RBFOX1: variants seen among roughly 807,000 people sequenced by gnomAD.
The protein encoded by RBFOX1 is RNA binding fox-1 homolog 1.
Under a neutral mutation model 57.7 loss-of-function variants are expected in RBFOX1, and 8 were observed. That is an observed-to-expected ratio of 0.14 (90% CI 0.08 to 0.25). The LOEUF is 0.25. Among genes scored for constraint, RBFOX1 ranks in the 10% least tolerant of loss-of-function variants. The pLI is 1.00. For missense variants in RBFOX1, 611 were observed against 548.5 expected (o/e 1.11, Z -1.14); for synonymous variants, 326 against 222.4 (o/e 1.47, Z -4.15).
chr16:6,870,864 G>T (rs1379383961), intron 3 of RBFOX1, among the ~76,000 whole-genome samples: 1 of 152,086 alleles, frequency 6.6e-6, no homozygotes, highest in Non-Finnish European at 1.5e-5. Flanking sequence ...CTAATAAAAG[G>T]CCCTAACTTT....
chr16:7,315,152 C>A (rs1415758796), intron 4 of RBFOX1, among the ~76,000 whole-genome samples: 2 of 151,016 alleles, frequency 1.3e-5, no homozygotes, highest in African/African-American at 4.9e-5. Context: ...TCATGCATTT[C>A]ATTTTGTGTG....
At chr16:7,058,016 A>AAAAC (rs1555829835) in intron 4 of RBFOX1, among the ~76,000 whole-genome samples, 1 of 151,460 alleles carries the variant, frequency 6.6e-6, no homozygotes, top group African/African-American at 2.4e-5. Context: ...GAAAAAAAAA[A>AAAAC]AAAAAACACG....
chr16:7,088,755 C>A (rs1020465782), intron 4 of RBFOX1, among the ~76,000 whole-genome samples: 1 of 152,136 alleles, frequency 6.6e-6, no homozygotes, highest in Non-Finnish European at 1.5e-5. Context: ...ATGCCAGTAA[C>A]CAAAGTCCTT....
upstream of RBFOX1, among the ~76,000 whole-genome samples, chr16:6,016,129 A>G (rs1188750884): frequency 6.6e-6 from 1 of 152,254 alleles, no homozygotes. Flanking sequence ...GCATCAGGGA[A>G]CAAATCTTTG....
chr16:6,472,923 C>T (rs113354156), intron 2 of RBFOX1, among the ~76,000 whole-genome samples: 7,993 of 152,112 alleles, frequency 0.053, 742 homozygotes, highest in African/African-American at 0.18. Context: ...CTGTGCCCGG[C>T]CCAGTTTCTT....
chr16:7,484,001 G>GC (rs532040766), intron 4 of RBFOX1, among the ~76,000 whole-genome samples: 6 of 151,834 alleles, frequency 4.0e-5, no homozygotes, highest in East Asian at 1.9e-4. Flanking sequence ...AGTCTATTCT[G>GC]CCCCCCCATT....
chr16:7,417,025 A>T (rs1284890852), intron 4 of RBFOX1, among the ~76,000 whole-genome samples: 2 of 151,904 alleles, frequency 1.3e-5, no homozygotes, highest in Admixed American at 6.6e-5. Context: ...CTTTGCCTAA[A>T]TTTTTTTTAA....
intron 3 of RBFOX1, among the ~76,000 whole-genome samples, chr16:5,740,121 G>A (rs960005164): frequency 3.3e-5 from 5 of 152,172 alleles, no homozygotes; most frequent in Non-Finnish European, 5.9e-5. Context: ...AGGGCAGAGC[G>A]GCCACTGGGA....
chr16:6,293,381 C>G (rs2077676743), intron 1 of RBFOX1, among the ~76,000 whole-genome samples: 1 of 152,178 alleles, frequency 6.6e-6, no homozygotes, highest in Non-Finnish European at 1.5e-5. Flanking sequence ...AAAATTTAAG[C>G]TCGCTTTTTC....
intron 2 of RBFOX1, among the ~76,000 whole-genome samples, chr16:6,607,338 A>G (rs74249665): frequency 0.024 from 3,585 of 152,290 alleles, 247 homozygotes; most frequent in East Asian, 0.22. Context: ...TTAGGATATA[A>G]TAATTCATTT....
At chr16:6,542,784 G>T (rs764151076) in intron 2 of RBFOX1, among the ~76,000 whole-genome samples, 2 of 151,976 alleles carry the variant, frequency 1.3e-5, no homozygotes, top group African/African-American at 2.4e-5. Flanking sequence ...GAACCACTGC[G>T]CCCGGCCGGG....
At chr16:5,844,118 T>A (rs2056692147) in intron 3 of RBFOX1, among the ~76,000 whole-genome samples, 1 of 152,202 alleles carries the variant, frequency 6.6e-6, no homozygotes, top group South Asian at 2.1e-4. Context: ...TGGCTCCTTC[T>A]GAGACTAAAG....
intron 1 of RBFOX1, among the ~76,000 whole-genome samples, chr16:6,297,191 A>T (rs1196944166): frequency 1.3e-5 from 2 of 152,040 alleles, no homozygotes; most frequent in African/African-American, 2.4e-5. Flanking sequence ...TTCTTACTAC[A>T]ACCTATTTTA....
chr16:5,276,435 C>T (rs762107024), intron 1 of RBFOX1, among the ~76,000 whole-genome samples: 11 of 152,168 alleles, frequency 7.2e-5, no homozygotes, highest in Non-Finnish European at 1.5e-4. Context: ...TGCTCAACAT[C>T]ACTAATTATC....
intron 3 of RBFOX1, among the ~76,000 whole-genome samples, chr16:6,712,836 A>G (rs1036018519): frequency 3.5e-4 from 50 of 142,350 alleles, no homozygotes; most frequent in Non-Finnish European, 6.2e-4. Flanking sequence ...CATCACCCTC[A>G]TGTGTCATGG....
chr16:5,345,693 G>A (rs899242430), intron 1 of RBFOX1, among the ~76,000 whole-genome samples: 2 of 152,170 alleles, frequency 1.3e-5, no homozygotes, highest in African/African-American at 4.8e-5. Context: ...TCTTTCCGAT[G>A]CATGGGAGAA....
intron 4 of RBFOX1, among the ~76,000 whole-genome samples, chr16:7,170,610 A>G (rs2080498242): frequency 6.6e-6 from 1 of 152,142 alleles, no homozygotes. Context: ...CACCTGTTTA[A>G]TTCTCACATC....
chr16:7,385,907 C>G (rs1440440625), intron 4 of RBFOX1, among the ~76,000 whole-genome samples: 1 of 144,292 alleles, frequency 6.9e-6, no homozygotes, highest in Non-Finnish European at 1.5e-5. Context: ...CACATGCCAC[C>G]ATGCCCAGTT....
chr16:5,592,284 TCTA>T lies in RBFOX1; in HGVS notation c.259-6615_259-6613del, dbSNP rs889928508. ...AATTTTCTCAGATTGCCCTTTGTCT[TCTA>T]CTTTGTTTATGGTATTTTTTTCATG... On this transcript the variant is annotated intron_variant, in intron 2 of 2. Transcript: ENST00000585867. Among the ~76,000 whole-genome samples the T allele has an allele frequency of 9.2e-4, 140 of 152,230 alleles. 1 individual carries two copies. Among genetic ancestry groups the T allele is most frequent in the African/African-American group, 3.0e-3 (125 of 41,474 alleles).
Sources: gnomAD v4.1 joint callset for allele counts (sites outside exome capture counted in the v4.1 genomes callset) on GRCh38, gnomAD v4.1.1 for gene constraint, MANE v1.5 for transcripts, NCBI Gene and HGNC (gene_info 2026-07-23, HGNC 2026-07-21) for gene names.